MARCHF1: variants seen among roughly 807,000 people sequenced by gnomAD.
The protein encoded by MARCHF1 is membrane associated ring-CH-type finger 1.
MARCHF1 carries 40 observed loss-of-function variants against 54.2 expected under a neutral mutation model. The observed-to-expected ratio is 0.74, with a 90% CI of 0.57 to 0.96. The LOEUF (loss-of-function observed/expected upper bound fraction) is 0.96. MARCHF1 is among the 40% of genes least tolerant of loss of function. MARCHF1 has a pLI of 0.00. For synonymous variants in MARCHF1, 236 were observed against 236.3 expected, an observed-to-expected ratio of 1.00 and a Z score of 0.01; for missense variants, 586 against 656.5, an observed-to-expected ratio of 0.89 and a Z score of 1.17.
chr4:163,759,451 T>C (rs1326781304), intron 4 of MARCHF1, among the ~76,000 whole-genome samples: 2 of 152,192 alleles, frequency 1.3e-5, no homozygotes, highest in Non-Finnish European at 2.9e-5. Flanking sequence ...TGATCAATCA[T>C]TGTAAGTTAC....
At chr4:164,277,094 G>A (rs1733906492) in intron 1 of MARCHF1, among the ~76,000 whole-genome samples, 1 of 151,806 alleles carries the variant, frequency 6.6e-6, no homozygotes, top group African/African-American at 2.4e-5. Context: ...TAGGGCTTTT[G>A]AACCATTTGT....
At chr4:164,129,113 T>C (rs954114347) in intron 1 of MARCHF1, among the ~76,000 whole-genome samples, 1 of 152,198 alleles carries the variant, frequency 6.6e-6, no homozygotes, top group Non-Finnish European at 1.5e-5. Flanking sequence ...ATACCTCTCC[T>C]TGGAGAAATG....
At chr4:164,220,795 C>G (rs1229117663) in intron 1 of MARCHF1, among the ~76,000 whole-genome samples, 1 of 145,872 alleles carries the variant, frequency 6.9e-6, no homozygotes, top group Non-Finnish European at 1.5e-5. Flanking sequence ...ATAATACTTT[C>G]TGAAAAGTAT....
intron 1 of MARCHF1, among the ~76,000 whole-genome samples, chr4:164,190,970 T>G (rs574408739): frequency 1.3e-5 from 2 of 152,340 alleles, no homozygotes; most frequent in East Asian, 3.9e-4. Flanking sequence ...GTTATTGTTG[T>G]GTGTTTGTTT....
intron 1 of MARCHF1, among the ~76,000 whole-genome samples, chr4:164,295,972 C>T (rs1340913677): frequency 6.6e-6 from 1 of 152,072 alleles, no homozygotes; most frequent in Non-Finnish European, 1.5e-5. Flanking sequence ...CAATAATACA[C>T]ACACACGCAA....
At chr4:163,544,660 CCTTT>C (rs2110914156) in intron 9 of MARCHF1, among the ~76,000 whole-genome samples, 1 of 152,280 alleles carries the variant, frequency 6.6e-6, no homozygotes, top group African/African-American at 2.4e-5. Flanking sequence ...AAGTAACCAA[CCTTT>C]CTGTGTTTTA....
At chr4:164,318,818 G>GT (rs1179519055) in intron 1 of MARCHF1, among the ~76,000 whole-genome samples, 6 of 152,058 alleles carry the variant, frequency 3.9e-5, no homozygotes, top group South Asian at 4.2e-4. Flanking sequence ...AGTCACAAAA[G>GT]TACTTGTTAT....
intron 3 of MARCHF1, among the ~76,000 whole-genome samples, chr4:163,901,432 C>T (rs1344235892): frequency 6.6e-6 from 1 of 152,130 alleles, no homozygotes; most frequent in Non-Finnish European, 1.5e-5. Flanking sequence ...AACACTTTGT[C>T]ACCTGTCTTA....
chr4:164,033,597 A>T (rs1753928683), intron 2 of MARCHF1, among the ~76,000 whole-genome samples: 1 of 152,236 alleles, frequency 6.6e-6, no homozygotes, highest in Non-Finnish European at 1.5e-5. Flanking sequence ...AAACAATCCC[A>T]TCAGAAAGTG....
intron 1 of MARCHF1, among the ~76,000 whole-genome samples, chr4:164,198,850 C>T (rs1731358435): frequency 6.6e-6 from 1 of 152,090 alleles, no homozygotes; most frequent in Admixed American, 6.5e-5. Context: ...AAATTCCAGA[C>T]AAATAGAAAT....
intron 1 of MARCHF1, among the ~76,000 whole-genome samples, chr4:164,161,254 C>T (rs886521143): frequency 1.3e-4 from 20 of 152,046 alleles, no homozygotes; most frequent in African/African-American, 4.6e-4. Flanking sequence ...CCTCTCTGCT[C>T]ACTCTATTGT....
chr4:163,732,535 A>G (rs1745874790), intron 4 of MARCHF1, among the ~76,000 whole-genome samples: 1 of 152,202 alleles, frequency 6.6e-6, no homozygotes, highest in Non-Finnish European at 1.5e-5. Flanking sequence ...CTAAGTAGAA[A>G]AACATGAAGA....
chr4:163,684,528 A>G (rs1744208098), intron 5 of MARCHF1, among the ~76,000 whole-genome samples: 1 of 152,250 alleles, frequency 6.6e-6, no homozygotes, highest in South Asian at 2.1e-4. Flanking sequence ...AAATTCCTTC[A>G]TAAGATTCAT....
intron 3 of MARCHF1, among the ~76,000 whole-genome samples, chr4:163,904,900 T>C (rs1751030905): frequency 6.6e-6 from 1 of 152,174 alleles, no homozygotes; most frequent in African/African-American, 2.4e-5. Flanking sequence ...ACATTACATC[T>C]GATTCTAACT....
chr4:163,849,726 C>G (rs1157842959), intron 4 of MARCHF1, among the ~76,000 whole-genome samples: 4 of 152,062 alleles, frequency 2.6e-5, no homozygotes, highest in Non-Finnish European at 4.4e-5. Context: ...AATTCAAAAG[C>G]CATATTTATA....
chr4:164,053,200 T>C (rs1307392578), intron 2 of MARCHF1, among the ~76,000 whole-genome samples: 2 of 152,164 alleles, frequency 1.3e-5, no homozygotes, highest in African/African-American at 2.4e-5. Flanking sequence ...TGAGGAAAGT[T>C]TACTTGAATG....
chr4:163,593,891 T>G (rs1740673082), intron 7 of MARCHF1, among the ~76,000 whole-genome samples: 1 of 152,234 alleles, frequency 6.6e-6, no homozygotes, highest in African/African-American at 2.4e-5. Context: ...CATTCATTCA[T>G]TCAGTCAACA....
At chr4:164,356,921 AG>A in intron 1 of MARCHF1, among the ~76,000 whole-genome samples, 1 of 151,962 alleles carries the variant, frequency 6.6e-6, no homozygotes, top group South Asian at 2.1e-4. Flanking sequence ...ATGGACACAT[AG>A]AGGAGAACAA....
intron 1 of MARCHF1, among the ~76,000 whole-genome samples, chr4:164,215,245 C>T (rs942078387): frequency 6.6e-6 from 1 of 152,116 alleles, no homozygotes; most frequent in Non-Finnish European, 1.5e-5. Context: ...TGGTTTTCCC[C>T]TGGAGCATTC....
Sources: gnomAD v4.1 joint callset for allele counts (sites outside exome capture counted in the v4.1 genomes callset) on GRCh38, gnomAD v4.1.1 for gene constraint, MANE v1.5 for transcripts, NCBI Gene and HGNC (gene_info 2026-07-23, HGNC 2026-07-21) for gene names.